The following AKAP11 variants were observed in gnomAD, a reference collection of about 807,000 sequenced individuals.
The protein encoded by AKAP11 is A-kinase anchor protein 11.
Under a neutral mutation model 146.1 loss-of-function variants are expected in AKAP11, and 36 were observed. The ratio of observed to expected loss-of-function variants is 0.25; its 90% CI spans 0.19 to 0.33. AKAP11 has a LOEUF of 0.33. Ranked by LOEUF, AKAP11 falls within the 10% of genes least tolerant of loss-of-function variation. The probability of loss-of-function intolerance (pLI) is 1.00; values close to 1 mark genes in which losing one functional copy is unlikely to be tolerated. For missense variants in AKAP11, 2,201 were observed against 2,197.0 expected (o/e 1.00, Z -0.04); for synonymous variants, 780 against 786.5 (o/e 0.99, Z 0.14).
chr13:42,301,462 T>C lies in AKAP11; in HGVS notation c.2716T>C (p.Tyr906His), dbSNP rs1264848927. The part of the protein sequence containing the change: ...VTKMVDERTD[Y>H]LTKSLKEKTP... ...AAAAATGGTTGATGAACGTACAGAT[T>C]ATTTAACTAAATCTTTAAAGGAGAA... The change falls in exon 8 of 13, where the codon TAT becomes CAT. Residue 906 changes from tyrosine to histidine, a missense_variant. Around this residue, in one of 3 missense-constraint regions of AKAP11, gnomAD observed 1,867 missense variants for 1,833.5 expected, o/e 1.02. Coordinates refer to ENST00000025301, the MANE Select transcript of AKAP11 (RefSeq NM_016248.4). 2 of 1,613,394 alleles carry C rather than the reference T, an allele frequency of 1.2e-6. No individual in the cohort carries two copies. Among genetic ancestry groups the C allele is most frequent in the South Asian group, 1.1e-5 (1 of 90,820 alleles).
At chr13:42,296,408 GTTC>G (rs1460659941) in intron 5 of AKAP11, among the ~76,000 whole-genome samples, 5 of 152,054 alleles carry the variant, frequency 3.3e-5, no homozygotes, top group East Asian at 3.8e-4. Flanking sequence ...TTTCTTTAAT[GTTC>G]TTCTTCTCCT....
chr13:42,277,499 A>C (rs1182258228), intron 1 of AKAP11, among the ~76,000 whole-genome samples: 1 of 152,214 alleles, frequency 6.6e-6, no homozygotes, highest in Admixed American at 6.5e-5. Context: ...AGTTGGGCTC[A>C]AACATACCTT....
intron 5 of AKAP11, among the ~76,000 whole-genome samples, chr13:42,296,267 G>C (rs968223306): frequency 6.6e-6 from 1 of 152,126 alleles, no homozygotes; most frequent in Non-Finnish European, 1.5e-5. Flanking sequence ...TGCATATCAG[G>C]TGATTATGGG....
chr13:42,296,495 T>G (rs1959524305), intron 5 of AKAP11, among the ~76,000 whole-genome samples: 1 of 152,098 alleles, frequency 6.6e-6, no homozygotes, highest in Non-Finnish European at 1.5e-5. Flanking sequence ...AATAATTCTT[T>G]AGCTGGGTAA....
At chr13:42,292,934 T>A (rs1267108951) in intron 4 of AKAP11, among the ~76,000 whole-genome samples, 1 of 152,196 alleles carries the variant, frequency 6.6e-6, no homozygotes, top group Non-Finnish European at 1.5e-5. Context: ...AGTGATAAAT[T>A]TATCTTTGAA....
Position 42,313,980 on chromosome 13 carries a change from G to C in AKAP11, c.5404+40G>C, listed in dbSNP as rs200671260. 3.1e-6 allele frequency: 5 copies of C among 1,603,960 alleles called. No individual in the cohort carries two copies. The African/African-American group carries it at 4.0e-5, about 13-fold the overall frequency. ...TTTTCAAAGTGTTGGCATGTGTTTTGTATAAGGTTTCCTAGAAGAGTCTTT... is the reference window on the plus strand; with the variant it reads ...TTTTCAAAGTGTTGGCATGTGTTTTCTATAAGGTTTCCTAGAAGAGTCTTT... On this transcript the variant is annotated intron_variant, in intron 11 of 12. Coordinates refer to ENST00000025301, the MANE Select transcript of AKAP11 (RefSeq NM_016248.4).
chr13:42,319,226 T>C lies in AKAP11; in HGVS notation c.5704T>C (p.Ter1902GlnextTer9), dbSNP rs1960974516. The C allele has an allele frequency of 6.2e-7, 1 of 1,613,604 alleles. No individual in the cohort carries two copies. The highest frequency in any genetic ancestry group is 1.3e-5 in the African/African-American group (1 of 74,878). Residue 1902 changes from the stop codon to glutamine, a stop_lost, in exon 13 of 13, where the codon TAG becomes CAG. Coordinates refer to ENST00000025301, the MANE Select transcript of AKAP11 (RefSeq NM_016248.4). ...SLFDWLLENA[*>Q] is the part of the protein sequence containing the mutation. ...GTTTGATTGGCTCTTGGAAAATGCA[T>C]AGAGCAAACCCCAAACCAGTATATT... is the stretch of plus-strand genomic sequence containing the variant.
At chr13:42,310,146 G>A (rs1260383498) in intron 9 of AKAP11, among the ~76,000 whole-genome samples, 1 of 152,326 alleles carries the variant, frequency 6.6e-6, no homozygotes, top group Admixed American at 6.5e-5. Context: ...TTTAGGCTCA[G>A]AAAATTAATG....
chr13:42,301,523 T>G lies in AKAP11; in HGVS notation c.2777T>G (p.Leu926Arg), dbSNP rs1369399439. ...PPFSHCDQAV[L>R]QCSEASSNKD... ...TTTTCCCACTGTGATCAGGCAGTGC[T>G]GCAATGCAGTGAAGCTAGTAGCAAT... is the stretch of plus-strand genomic sequence containing the variant. The change falls in exon 8 of 13, where the codon CTG becomes CGG. Residue 926 changes from leucine to arginine, a missense_variant. By Grantham distance (102) the Leu-to-Arg change is moderately radical (BLOSUM62 -2). Coordinates refer to ENST00000025301, the MANE Select transcript of AKAP11 (RefSeq NM_016248.4). 1 of 1,614,126 alleles carries G rather than the reference T, an allele frequency of 6.2e-7. No individual in the cohort carries two copies. Among genetic ancestry groups the G allele is most frequent in the South Asian group, 1.1e-5 (1 of 91,080 alleles).
At chr13:42,272,893 T>C (rs1958813910) in intron 1 of AKAP11, among the ~76,000 whole-genome samples, 2 of 152,206 alleles carry the variant, frequency 1.3e-5, no homozygotes, top group African/African-American at 4.8e-5. Flanking sequence ...ATAAAAAATA[T>C]GTAGATGTAA....
At position 42,303,606 on chromosome 13, in the gene AKAP11, T is replaced by C; in HGVS notation, c.4860T>C (p.Asn1620=). The change falls in exon 8 of 13, where the codon AAT becomes AAC. Residue 1620 remains asparagine (N), a synonymous_variant. Coordinates refer to ENST00000025301, the MANE Select transcript of AKAP11 (RefSeq NM_016248.4). ...GSLASSKPAS[N]PKFSSRYQKS... ...TCGCCAGTAGTAAGCCAGCTTCTAA[T>C]CCAAAATTTAGCAGCCGCTATCAGA... 6.2e-7 allele frequency: 1 copy of C among 1,614,226 alleles called. No homozygotes were observed. The highest frequency in any genetic ancestry group is 8.5e-7 in the Non-Finnish European group (1 of 1,180,036).
In AKAP11 at chr13:42,302,161, T is replaced by G. The variant is rs760939900; in HGVS notation, c.3415T>G (p.Ser1139Ala). ...AKEFAPATPPSTPHNSSVGSL... is the reference protein window; with the variant it reads ...AKEFAPATPPATPHNSSVGSL... ...AGAGTTTGCACCTGCTACACCACCT[T>G]CTACTCCACACAACTCATCTGTTGG... The change falls in exon 8 of 13, where the codon TCT becomes GCT. Residue 1139 changes from serine to alanine, a missense_variant. By Grantham distance (99) the Ser-to-Ala change is moderately conservative. Transcript: ENST00000025301. The G allele has an allele frequency of 5.0e-6, 8 of 1,614,020 alleles. No individual in the cohort carries two copies. The highest frequency in any genetic ancestry group is 1.1e-5 in the South Asian group (1 of 91,080).
Position 42,298,552 on chromosome 13 carries a change from T to C in AKAP11, c.371T>C (p.Leu124Pro), listed in dbSNP as rs1213613910. Residue 124 changes from leucine (L) to proline (P), a missense_variant, in exon 7 of 13, where the codon CTT becomes CCT. By Grantham distance (98) the Leu-to-Pro change is moderately conservative (BLOSUM62 -3). Transcript: ENST00000025301. ...PLNQSHPSGM[L>P]CVMRVSPTSP... ...CCCAAGAGTCATCCTTCTGGAATGC[T>C]TTGTGTCATGAGAGTGTCACCTACA... 6.2e-7 allele frequency: 1 copy of C among 1,610,016 alleles called. No individual in the cohort carries two copies. Among genetic ancestry groups the C allele is most frequent in the South Asian group, 1.1e-5 (1 of 90,128 alleles).
chr13:42,282,977 A>G (rs1240107717), intron 1 of AKAP11, among the ~76,000 whole-genome samples: 3 of 152,194 alleles, frequency 2.0e-5, no homozygotes, highest in Admixed American at 6.5e-5. Flanking sequence ...AATATACTGT[A>G]TTTTTGTTCT....
Position 42,319,140 on chromosome 13 carries a change from C to G in AKAP11, c.5618C>G (p.Ala1873Gly). 1 of 1,614,002 alleles carries G rather than the reference C, an allele frequency of 6.2e-7. No homozygotes were observed. Among genetic ancestry groups the G allele is most frequent in the South Asian group, 1.1e-5 (1 of 91,064 alleles). Residue 1873 changes from alanine to glycine, a missense_variant, in exon 13 of 13, where the codon GCT (alanine) becomes GGT (glycine). This residue lies in a region of AKAP11 where 1,867 missense variants were observed against 1,833.5 expected (regional missense o/e 1.02). Coordinates refer to ENST00000025301, the MANE Select transcript of AKAP11 (RefSeq NM_016248.4). ...TGGAAAGTGGGAGACCTCCTGCAGGCTGTGCTTCAATACTATGAAGTGATG... is the reference window on the plus strand; with the variant it reads ...TGGAAAGTGGGAGACCTCCTGCAGGGTGTGCTTCAATACTATGAAGTGATG... Reference protein sequence around the residue: ...KGWKVGDLLQAVLQYYEVMEK... With the variant: ...KGWKVGDLLQGVLQYYEVMEK...
At position 42,300,141 on chromosome 13, in the gene AKAP11, A is replaced by C. The variant is rs373986787; in HGVS notation, c.1395A>C (p.Glu465Asp). Residue 465 changes from glutamate to aspartate, a missense_variant, in exon 8 of 13, where the codon GAA becomes GAC. Glu to Asp is a conservative substitution (Grantham distance 45, BLOSUM62 2). Coordinates refer to ENST00000025301, the MANE Select transcript of AKAP11 (RefSeq NM_016248.4). ...CTCTTGGAGGCTGTACTCCAGCTGA[A>C]TGTTTTTGCCAAACAGATATTGGTG... Reference protein sequence around the residue: ...FSPLGGCTPAECFCQTDIGGD... With the variant: ...FSPLGGCTPADCFCQTDIGGD... 38 of 1,613,836 alleles carry C rather than the reference A, an allele frequency of 2.4e-5. No homozygotes were observed. The African/African-American group carries it at 5.1e-4, about 22-fold the overall frequency.
At chr13:42,274,308 G>A (rs1361630653) in intron 1 of AKAP11, among the ~76,000 whole-genome samples, 1 of 152,058 alleles carries the variant, frequency 6.6e-6, no homozygotes, top group East Asian at 1.9e-4. Context: ...AAAGAAAAAT[G>A]CTTTATCAGT....
chr13:42,302,694 T>C lies in AKAP11; in HGVS notation c.3948T>C (p.Asp1316=). The change falls in exon 8 of 13, where the codon GAT becomes GAC. Residue 1316 remains aspartate (D), a synonymous_variant. Transcript: ENST00000025301. ...CTGTAGTGCACCCAAGAGAAGTGGA[T>C]CCGTTTATTCTTTCATTACCACCAA... ...IEAVVHPREV[D]PFILSLPPSS... The C allele has an allele frequency of 6.2e-7, 1 of 1,613,994 alleles. No homozygotes were observed. The highest frequency in any genetic ancestry group is 1.1e-5 in the South Asian group (1 of 91,052).
intron 6 of AKAP11, among the ~76,000 whole-genome samples, chr13:42,297,790 AT>A (rs1959603386): frequency 6.6e-6 from 1 of 152,002 alleles, no homozygotes; most frequent in Non-Finnish European, 1.5e-5. Flanking sequence ...AATTTGGATT[AT>A]TTTAGTTTTA....
Sources: allele counts gnomAD v4.1 joint callset (sites outside exome capture counted in the v4.1 genomes callset), GRCh38; gene constraint gnomAD v4.1.1; regional missense constraint gnomAD v4.1.1; transcripts MANE v1.5; gene names NCBI Gene and HGNC (gene_info 2026-07-23, HGNC 2026-07-21).